Variants in KCNH5 observed in about 807,000 individuals in gnomAD.
The protein encoded by KCNH5 is voltage-gated delayed rectifier potassium channel KCNH5.
A neutral mutation model predicts 96.1 loss-of-function variants in KCNH5; 46 were observed. That is an observed-to-expected ratio of 0.48 (90% CI 0.38 to 0.61). The LOEUF (loss-of-function observed/expected upper bound fraction) is 0.61. Ranked by LOEUF, KCNH5 falls within the 20% of genes least tolerant of loss-of-function variation. The pLI, the probability that KCNH5 is intolerant of heterozygous loss-of-function variation, is 0.00. For missense variants in KCNH5, 907 were observed against 1,225.8 expected (o/e 0.74, Z 3.88); for synonymous variants, 439 against 449.8 (o/e 0.98, Z 0.30).
chr14:62,785,330 G>C (rs1480963824), intron 9 of KCNH5, among the ~76,000 whole-genome samples: 1 of 152,192 alleles, frequency 6.6e-6, no homozygotes, highest in East Asian at 1.9e-4. Context: ...GTTAGGCATA[G>C]AATATCTAAC....
chr14:62,826,525 T>A (rs1476685520), intron 8 of KCNH5, among the ~76,000 whole-genome samples: 1 of 151,926 alleles, frequency 6.6e-6, no homozygotes, highest in South Asian at 2.1e-4. Flanking sequence ...AACTGGTAGG[T>A]TAGGGCTAAG....
chr14:62,799,832 AATAATATAT>A (rs1465180567), intron 9 of KCNH5, among the ~76,000 whole-genome samples: 1 of 135,652 alleles, frequency 7.4e-6, no homozygotes, highest in African/African-American at 2.6e-5. Flanking sequence ...TTAAATATTA[AATAATATAT>A]TATATATATT....
chr14:62,850,892 C>T (rs1018439407), intron 7 of KCNH5, among the ~76,000 whole-genome samples: 11 of 152,104 alleles, frequency 7.2e-5, no homozygotes, highest in African/African-American at 1.9e-4. Flanking sequence ...TCACAGGCAA[C>T]GATAATTTCC....
At chr14:63,016,061 G>GAA (rs56902534) in intron 2 of KCNH5, among the ~76,000 whole-genome samples, 1 of 141,048 alleles carries the variant, frequency 7.1e-6, no homozygotes, top group Non-Finnish European at 1.6e-5. Context: ...ATTTGGCCTA[G>GAA]AAAAAAAAAA....
At chr14:62,887,678 A>T (rs190110196) in intron 7 of KCNH5, among the ~76,000 whole-genome samples, 49 of 152,250 alleles carry the variant, frequency 3.2e-4, no homozygotes, top group Admixed American at 1.6e-3. Context: ...GGGTCAGAGA[A>T]TACATGTATG....
chr14:62,823,331 A>T (rs1007896614), intron 8 of KCNH5, among the ~76,000 whole-genome samples: 2 of 152,056 alleles, frequency 1.3e-5, no homozygotes, highest in Non-Finnish European at 2.9e-5. Context: ...AAAAGTCAAA[A>T]TTTTTCTGTT....
At chr14:62,997,831 C>A (rs562474883) in intron 4 of KCNH5, among the ~76,000 whole-genome samples, 28 of 139,062 alleles carry the variant, frequency 2.0e-4, no homozygotes, top group African/African-American at 7.2e-4. Context: ...ACCTGGGAGA[C>A]GGAGCTTGCA....
intron 7 of KCNH5, among the ~76,000 whole-genome samples, chr14:62,895,424 G>A (rs901507860): frequency 3.3e-5 from 5 of 151,656 alleles, no homozygotes; most frequent in East Asian, 3.9e-4. Context: ...TCTGCCTCAC[G>A]AGTTCAAGCG....
At chr14:62,970,524 GACATT>G (rs1890387731) in intron 6 of KCNH5, among the ~76,000 whole-genome samples, 1 of 152,042 alleles carries the variant, frequency 6.6e-6, no homozygotes, top group African/African-American at 2.4e-5. Context: ...ACCAGACAAA[GACATT>G]ACAAGAAAAG....
intron 6 of KCNH5, among the ~76,000 whole-genome samples, chr14:62,979,435 T>C (rs1890565067): frequency 6.6e-6 from 1 of 151,954 alleles, no homozygotes; most frequent in Non-Finnish European, 1.5e-5. Flanking sequence ...TTGGGGGAAA[T>C]AATATTTATA....
chr14:62,751,500 C>A (rs1885498129), intron 10 of KCNH5, among the ~76,000 whole-genome samples: 1 of 152,218 alleles, frequency 6.6e-6, no homozygotes, highest in Non-Finnish European at 1.5e-5. Context: ...TTTCGGCCAT[C>A]ATTGGTTCAG....
intron 2 of KCNH5, among the ~76,000 whole-genome samples, chr14:63,011,280 C>G (rs1462210647): frequency 6.6e-6 from 1 of 151,944 alleles, no homozygotes; most frequent in East Asian, 1.9e-4. Flanking sequence ...GTCAGGAGTT[C>G]GAGACCAGCC....
At chr14:62,770,064 A>G (rs1053607161) in intron 10 of KCNH5, among the ~76,000 whole-genome samples, 1 of 152,172 alleles carries the variant, frequency 6.6e-6, no homozygotes, top group African/African-American at 2.4e-5. Context: ...AACGGGCTCT[A>G]CTATTTTGTT....
intron 7 of KCNH5, among the ~76,000 whole-genome samples, chr14:62,877,519 C>T (rs1566691615): frequency 6.6e-6 from 1 of 152,178 alleles, no homozygotes; most frequent in Non-Finnish European, 1.5e-5. Context: ...ACAACCCCAT[C>T]AACAAGTGGG....
intron 9 of KCNH5, among the ~76,000 whole-genome samples, chr14:62,799,964 GAGA>G (rs1886626474): frequency 6.7e-6 from 1 of 149,054 alleles, no homozygotes; most frequent in Non-Finnish European, 1.5e-5. Flanking sequence ...AGAAGAGGAG[GAGA>G]AAGAAAAGGA....
chr14:62,717,743 G>T lies in KCNH5; in HGVS notation c.2020-9288C>A, dbSNP rs113305923. Among the ~76,000 whole-genome samples the T allele has an allele frequency of 2.7e-3, 406 of 152,272 alleles. 3 individuals carry two copies. The highest frequency in any genetic ancestry group is 9.4e-3 in the African/African-American group (390 of 41,564). ...TGACCCTGAATTAGACAATGGTTTC[G>T]TAGATAGGTACGTAAATCTCAAGGC... On this transcript the variant is annotated intron_variant, in intron 10 of 10. Transcript: ENST00000322893.
intron 9 of KCNH5, among the ~76,000 whole-genome samples, chr14:62,787,934 A>G (rs1886351915): frequency 6.6e-6 from 1 of 152,222 alleles, no homozygotes; most frequent in South Asian, 2.1e-4. Flanking sequence ...ATGAAGATCT[A>G]CAAGACGAAT....
chr14:62,880,717 T>C (rs17100487), intron 7 of KCNH5, among the ~76,000 whole-genome samples: 5,484 of 152,306 alleles, frequency 0.036, 326 homozygotes, highest in African/African-American at 0.12. Context: ...TGAATAATTT[T>C]ATCATGATTA....
chr14:62,754,260 C>T (rs1017759768), intron 10 of KCNH5, among the ~76,000 whole-genome samples: 1 of 151,362 alleles, frequency 6.6e-6, no homozygotes, highest in Non-Finnish European at 1.5e-5. Context: ...AGATACAAAA[C>T]AAATAAAAAG....
Sources: gnomAD v4.1 joint callset for allele counts (sites outside exome capture counted in the v4.1 genomes callset) on GRCh38, gnomAD v4.1.1 for gene constraint, MANE v1.5 for transcripts, NCBI Gene and HGNC (gene_info 2026-07-23, HGNC 2026-07-21) for gene names.